Variants in PIMREG observed in about 807,000 individuals in gnomAD.
The protein encoded by PIMREG is protein PIMREG.
Under a neutral mutation model 24.3 loss-of-function variants are expected in PIMREG, and 19 were observed. The ratio of observed to expected loss-of-function variants is 0.78; its 90% CI spans 0.54 to 1.15. The LOEUF (loss-of-function observed/expected upper bound fraction) is 1.15. Among genes scored for constraint, PIMREG ranks in the 50% most tolerant of loss-of-function variants. The pLI, the probability that PIMREG is intolerant of heterozygous loss-of-function variation, is 0.00. For missense variants in PIMREG, 283 were observed against 306.8 expected (o/e 0.92, Z 0.58); for synonymous variants, 112 against 124.1 (o/e 0.90, Z 0.65).
rs1913529310 is a variant in PIMREG at position 6,445,298 on chromosome 17, T to C, written c.188T>C (p.Leu63Pro). 1 of 1,613,152 alleles carries C rather than the reference T, an allele frequency of 6.2e-7. No homozygotes were observed. The highest frequency in any genetic ancestry group is 8.5e-7 in the Non-Finnish European group (1 of 1,179,818). Residue 63 changes from leucine to proline, a missense_variant, in exon 2 of 6, where the codon CTC becomes CCC. Transcript: ENST00000572447. ...RLPLRAVNLN[L>P]RAGPSWKRLE... ...CCCCTGAGAGCCGTCAACCTCAACC[T>C]CCGCGCAGGGCCCTCCTGGAAACGC...
intron 2 of PIMREG, among the ~76,000 whole-genome samples, chr17:6,447,162 A>C (rs956951484): frequency 1.3e-5 from 2 of 151,696 alleles, no homozygotes; most frequent in Non-Finnish European, 2.9e-5. Flanking sequence ...CCCAGGCTGG[A>C]GTGCCATGGT....
At position 6,450,421 on chromosome 17, in the gene PIMREG, G is replaced by A. The variant is rs1267012527; in HGVS notation, c.*74G>A. 1.3e-6 allele frequency: 2 copies of A among 1,569,012 alleles called. No individual in the cohort carries two copies. The highest frequency in any genetic ancestry group is 8.6e-7 in the Non-Finnish European group (1 of 1,165,194). ...CTCAAGGATGTCTATGCTTCCCCGT[G>A]AGCTTCCTGGAAAAAACCCCCGGGA... is the stretch of plus-strand genomic sequence containing the variant. On this transcript the variant is annotated 3_prime_UTR_variant, in exon 6 of 6. Coordinates refer to ENST00000572447, the MANE Select transcript of PIMREG (RefSeq NM_019013.3).
intron 2 of PIMREG, 140 bp downstream of exon 2, chr17:6,445,544 CCA>C: frequency 1.2e-6 from 1 of 823,298 alleles, no homozygotes. Context: ...CCCCACCACC[CCA>C]GATAGTTCCT....
At chr17:6,449,982 A>C in intron 4 of PIMREG, 46 bp from the exon 5 acceptor site, 2 of 1,602,462 alleles carry the variant, frequency 1.2e-6, no homozygotes, top group Non-Finnish European at 1.7e-6. Context: ...GGGCCCTCTC[A>C]GAGCCCACCA....
chr17:6,445,370 G>A lies in PIMREG; in HGVS notation c.260G>A (p.Arg87His), dbSNP rs374285551. ...PGQQGLQAAA[R>H]SAKSALGAVS... ...CAGCAGGGCCTCCAGGCTGCAGCTC[G>A]CTCAGCTAAGAGTGCTTTGGGTGCC... The change falls in exon 2 of 6, where the codon CGC (arginine) becomes CAC (histidine). Residue 87 changes from arginine (R) to histidine (H), a missense_variant. Arg to His is a conservative substitution (Grantham distance 29). Coordinates refer to ENST00000572447, the MANE Select transcript of PIMREG (RefSeq NM_019013.3). The A allele has an allele frequency of 2.0e-5, 33 of 1,613,760 alleles. No homozygotes were observed. Among genetic ancestry groups the A allele is most frequent in the Middle Eastern group, 1.6e-4 (1 of 6,078 alleles).
rs747423630 is a variant in PIMREG, at chr17:6,449,343, G to A, written c.622G>A (p.Ala208Thr). 5.6e-6 allele frequency: 9 copies of A among 1,613,196 alleles called. No individual in the cohort carries two copies. Among genetic ancestry groups the A allele is most frequent in the East Asian group, 2.2e-5 (1 of 44,794 alleles). The change falls in exon 4 of 6, where the codon GCG becomes ACG. Residue 208 changes from alanine to threonine, a missense_variant. Physicochemically the swap from Ala to Thr is moderately conservative, Grantham distance 58. Coordinates refer to ENST00000572447, the MANE Select transcript of PIMREG (RefSeq NM_019013.3). ...TGACAGTGACCTAGAGCCTGTGGGGGCGGGAATTCAGCATCTCCAGAAGCT... is the reference window on the plus strand; with the variant it reads ...TGACAGTGACCTAGAGCCTGTGGGGACGGGAATTCAGCATCTCCAGAAGCT... ...ESDSDLEPVG[A>T]GIQHLQKLSQ...
At chr17:6,445,718 A>C (rs7220569) in intron 2 of PIMREG, among the ~76,000 whole-genome samples, 34,624 of 152,134 alleles carry the variant, frequency 0.23, 4,710 homozygotes, top group African/African-American at 0.38. Flanking sequence ...TAGTCGGTGA[A>C]GGCTTCCCAG....
intron 5 of PIMREG, 41 bp downstream of exon 5, chr17:6,450,113 C>T: frequency 6.3e-7 from 1 of 1,596,980 alleles, no homozygotes; most frequent in Non-Finnish European, 8.6e-7. Context: ...CTGTCCTTCT[C>T]CTCCATCTCA....
At chr17:6,447,871 T>C (rs1597350639) in intron 3 of PIMREG, 113 bp downstream of exon 3, 2 of 1,164,528 alleles carry the variant, frequency 1.7e-6, no homozygotes, top group African/African-American at 3.1e-5. Context: ...TGGCACCCCC[T>C]GTGGCTACCT....
chr17:6,445,251 C>A lies in PIMREG; in HGVS notation c.141C>A (p.Cys47Ter). 2.5e-6 allele frequency: 4 copies of A among 1,613,832 alleles called. No homozygotes were observed. The highest frequency in any genetic ancestry group is 3.4e-6 in the Non-Finnish European group (4 of 1,179,974). Residue 47 changes from cysteine (C) to a stop codon, truncating the protein, a stop_gained, in exon 2 of 6, where the codon TGC becomes TGA. Transcript: ENST00000572447. LOFTEE classifies it high-confidence loss of function. The part of the protein sequence containing the change: ...ETSVGALGSL[C>*]RQFQRRLPLR... ...CTGTAGGGGCCCTGGGGTCCCTGTG[C>A]AGACAGTTCCAAAGGAGGCTGCCCC...
chr17:6,445,512 G>A (rs1216771599), intron 2 of PIMREG, 108 bp downstream of exon 2: 9 of 1,239,368 alleles, frequency 7.3e-6, no homozygotes, highest in East Asian at 2.4e-5. Flanking sequence ...AAACAGGGAC[G>A]TTGGTTAGTT....
intron 3 of PIMREG, 44 bp downstream of exon 3, chr17:6,447,802 C>G: frequency 6.5e-7 from 1 of 1,540,680 alleles, no homozygotes; most frequent in Middle Eastern, 1.8e-4. Flanking sequence ...GGCCTTTTAA[C>G]CTGGGCACAA....
rs1024109985 is a variant in PIMREG, at chr17:6,446,271, C to T, written c.294+867C>T. 3 of 399,576 alleles carry T rather than the reference C, an allele frequency of 7.5e-6. No individual in the cohort carries two copies. In the Middle Eastern group the frequency reaches 1.1e-3, roughly 150 times the overall value. The allele number at this position is 399,576 out of a possible 1,614,324, so 24.8% of individuals were successfully genotyped here. On this transcript the variant is annotated intron_variant, in intron 2 of 5. Coordinates refer to ENST00000572447, the MANE Select transcript of PIMREG (RefSeq NM_019013.3). ...ACGTGTCACTTAGAAAGGACAGAAG[C>T]CATTAGGATGAACAGACCTCCAGGG...
At chr17:6,448,859 G>A (rs1212119550) in intron 3 of PIMREG, among the ~76,000 whole-genome samples, 1 of 152,216 alleles carries the variant, frequency 6.6e-6, no homozygotes. Context: ...AAACCTGTAA[G>A]CTAAAATAAG....
intron 2 of PIMREG, chr17:6,446,131 A>G: frequency 2.5e-6 from 1 of 401,286 alleles, no homozygotes; most frequent in East Asian, 3.6e-5. Flanking sequence ...AGGTCCAGTT[A>G]GAGGGGATTT....
At chr17:6,447,814 C>T (rs1170526828) in intron 3 of PIMREG, 56 bp downstream of exon 3, 2 of 1,517,888 alleles carry the variant, frequency 1.3e-6, no homozygotes, top group Non-Finnish European at 1.8e-6. Flanking sequence ...TGGGCACAAT[C>T]CCTGCTGTCT....
At position 6,450,454 on chromosome 17, in the gene PIMREG, G is replaced by A. The variant is rs1451691010; in HGVS notation, c.*107G>A. On this transcript the variant is annotated 3_prime_UTR_variant, in exon 6 of 6. Transcript: ENST00000572447. ...TGGAAAAAACCCCCGGGAGTCGTCA[G>A]TACCCCTGGGCCACTGCTAACAAGC... The A allele has an allele frequency of 2.0e-6, 3 of 1,536,596 alleles. No homozygotes were observed. Among genetic ancestry groups the A allele is most frequent in the South Asian group, 1.2e-5 (1 of 84,638 alleles).
chr17:6,447,678 T>G lies in PIMREG; in HGVS notation c.510T>G (p.His170Gln), dbSNP rs919959374. The G allele has an allele frequency of 1.2e-6, 2 of 1,614,070 alleles. No individual in the cohort carries two copies. Among genetic ancestry groups the G allele is most frequent in the African/African-American group, 1.3e-5 (1 of 74,938 alleles). The stretch of plus-strand genomic sequence containing the variant: ...GCCTCTCTGTCCGGATGGGCTCACA[T>G]GCCCACCCATTACGGCGATCAAGGC... ...HHRLSVRMGS[H>Q]AHPLRRSRRE... The change falls in exon 3 of 6, where the codon CAT becomes CAG. Residue 170 changes from histidine (H) to glutamine (Q), a missense_variant. Coordinates refer to ENST00000572447, the MANE Select transcript of PIMREG (RefSeq NM_019013.3).
Position 6,451,316 on chromosome 17 carries a change from G to A in PIMREG, c.*969G>A, listed in dbSNP as rs2150708214. 1 of 152,314 alleles carries A rather than the reference G, an allele frequency of 6.6e-6. No individual in the cohort carries two copies. The highest frequency in any genetic ancestry group is 2.4e-5 in the African/African-American group (1 of 41,564). The allele number at this position is 152,314 out of a possible 1,614,324, so 9.4% of individuals were successfully genotyped here. On this transcript the variant is annotated 3_prime_UTR_variant, in exon 6 of 6. Coordinates refer to ENST00000572447, the MANE Select transcript of PIMREG (RefSeq NM_019013.3). Reference sequence around the variant, plus strand: ...GACAACATTTGAGAGCTAAAAACCAGCTCACATCAAAATCAAGACCCAGTT... The same window carrying A: ...GACAACATTTGAGAGCTAAAAACCAACTCACATCAAAATCAAGACCCAGTT...
Sources: allele counts gnomAD v4.1 joint callset (sites outside exome capture counted in the v4.1 genomes callset), GRCh38; gene constraint gnomAD v4.1.1; transcripts MANE v1.5; gene names NCBI Gene and HGNC (gene_info 2026-07-23, HGNC 2026-07-21).